Variants in CPPED1 observed in about 807,000 individuals in gnomAD.
The protein encoded by CPPED1 is calcineurin like phosphoesterase domain containing 1.
CPPED1 carries 28 observed loss-of-function variants against 28.0 expected under a neutral mutation model. The observed-to-expected ratio is 1.00, with a 90% CI of 0.74 to 1.37. The LOEUF is 1.37. Among genes scored for constraint, CPPED1 ranks in the 40% most tolerant of loss-of-function variants. The pLI, the probability that CPPED1 is intolerant of heterozygous loss-of-function variation, is 0.00. For missense variants in CPPED1, 504 were observed against 416.5 expected (o/e 1.21, Z -1.83); for synonymous variants, 198 against 180.2 (o/e 1.10, Z -0.79).
At chr16:12,721,804 A>C (rs2080142404) in intron 2 of CPPED1, among the ~76,000 whole-genome samples, 1 of 151,924 alleles carries the variant, frequency 6.6e-6, no homozygotes, top group Non-Finnish European at 1.5e-5. Flanking sequence ...CAACCAGACC[A>C]TCCCAGCCAG....
chr16:12,764,266 C>T (rs944429316), intron 2 of CPPED1, among the ~76,000 whole-genome samples: 11 of 151,486 alleles, frequency 7.3e-5, no homozygotes, highest in Admixed American at 3.3e-4. Flanking sequence ...TGCAGTGGTG[C>T]GATCTCAGCT....
chr16:12,752,861 ACTAT>A (rs1195153636), intron 2 of CPPED1: 1 of 147,984 alleles, frequency 6.8e-6, no homozygotes, highest in Non-Finnish European at 1.5e-5. Flanking sequence ...TACTAGCTGT[ACTAT>A]TTATTAATAT....
chr16:12,759,707 G>A (rs1011785071), intron 2 of CPPED1, among the ~76,000 whole-genome samples: 3 of 152,202 alleles, frequency 2.0e-5, no homozygotes, highest in Non-Finnish European at 4.4e-5. Context: ...GTTCTCACAA[G>A]ACCTGATGGT....
intron 3 of CPPED1, among the ~76,000 whole-genome samples, chr16:12,702,687 T>A (rs2080026716): frequency 6.6e-6 from 1 of 152,108 alleles, no homozygotes. Flanking sequence ...AGGGCAGTCA[T>A]GGGCTTTACA....
chr16:12,777,893 T>C (rs911202786), intron 2 of CPPED1, among the ~76,000 whole-genome samples: 5 of 141,524 alleles, frequency 3.5e-5, no homozygotes, highest in Non-Finnish European at 6.4e-5. Flanking sequence ...AAGTTCTTTT[T>C]TTCTATTTTC....
chr16:12,803,686 C>T (rs745429578), intron 1 of CPPED1, 21 bp downstream of exon 1: 1 of 1,518,988 alleles, frequency 6.6e-7, no homozygotes, highest in East Asian at 2.7e-5. Context: ...GTCCCCTCCC[C>T]GGGTGAGGGG....
At chr16:12,799,928 C>T (rs1160967229) in intron 1 of CPPED1, among the ~76,000 whole-genome samples, 3 of 152,172 alleles carry the variant, frequency 2.0e-5, no homozygotes, top group East Asian at 3.9e-4. Flanking sequence ...ACTCTCTCCT[C>T]CTATCAGCAG....
At chr16:12,789,619 G>A (rs1412015847) in intron 1 of CPPED1, among the ~76,000 whole-genome samples, 1 of 152,116 alleles carries the variant, frequency 6.6e-6, no homozygotes, top group Non-Finnish European at 1.5e-5. Flanking sequence ...TCCACTTCCC[G>A]GGCTCAAGTG....
intron 2 of CPPED1, among the ~76,000 whole-genome samples, chr16:12,762,381 ACTTTC>A (rs2080414834): frequency 2.0e-5 from 3 of 152,214 alleles, no homozygotes; most frequent in African/African-American, 7.2e-5. Context: ...TCTAATTTCC[ACTTTC>A]CTTAATGTTA....
chr16:12,700,259 G>C (rs1439000075), intron 3 of CPPED1, among the ~76,000 whole-genome samples: 1 of 152,228 alleles, frequency 6.6e-6, no homozygotes, highest in Non-Finnish European at 1.5e-5. Flanking sequence ...TATACCTGCA[G>C]GTGGTGCCTG....
At chr16:12,714,551 TTTG>T (rs1567284098) in intron 2 of CPPED1, among the ~76,000 whole-genome samples, 1 of 152,196 alleles carries the variant, frequency 6.6e-6, no homozygotes, top group Admixed American at 6.5e-5. Context: ...ATGCTAAACA[TTTG>T]TTGTTGTGCT....
chr16:12,786,800 T>A (rs888851127), intron 1 of CPPED1, among the ~76,000 whole-genome samples: 1 of 152,150 alleles, frequency 6.6e-6, no homozygotes, highest in Non-Finnish European at 1.5e-5. Flanking sequence ...GCGCCTGTAG[T>A]CCCAGCTACT....
chr16:12,732,728 A>G (rs2080205849), intron 2 of CPPED1, among the ~76,000 whole-genome samples: 1 of 152,214 alleles, frequency 6.6e-6, no homozygotes. Flanking sequence ...AAAGGCAAGG[A>G]GACAAAGCCT....
At chr16:12,676,525 G>C (rs566365422) in intron 3 of CPPED1, among the ~76,000 whole-genome samples, 2 of 152,180 alleles carry the variant, frequency 1.3e-5, no homozygotes, top group Non-Finnish European at 2.9e-5. Flanking sequence ...GACAGGTTAA[G>C]TGACTTGCCT....
In CPPED1 at chr16:12,670,450, C is replaced by G. The variant is rs887491821; in HGVS notation, c.716-5335G>C. 6.6e-6 allele frequency among the ~76,000 whole-genome samples: 1 copy of G among 152,036 alleles called. No homozygotes were observed. Among genetic ancestry groups the G allele is most frequent in the African/African-American group, 2.4e-5 (1 of 41,362 alleles). On this transcript the variant is annotated intron_variant, in intron 3 of 3. Transcript: ENST00000381774. The surrounding 1 kb of genome is among the most constrained non-coding windows in gnomAD (Gnocchi z 4.2). ...AGGAAGTAGTGCATCTTTCTTCATC[C>G]CTTAGGTGTGGGCTGTGCATCCTGA...
At chr16:12,689,310 T>C (rs544769116) in intron 3 of CPPED1, among the ~76,000 whole-genome samples, 16 of 143,866 alleles carry the variant, frequency 1.1e-4, no homozygotes, top group African/African-American at 3.9e-4. Flanking sequence ...CATTGCAACC[T>C]CGAATTTATG....
chr16:12,668,505 A>T (rs746274686), intron 3 of CPPED1, among the ~76,000 whole-genome samples: 5 of 152,202 alleles, frequency 3.3e-5, no homozygotes, highest in Non-Finnish European at 7.3e-5. Flanking sequence ...ACTTCATCAA[A>T]ATTACCAACT....
chr16:12,802,555 C>G (rs921703692), intron 1 of CPPED1, among the ~76,000 whole-genome samples: 1 of 152,168 alleles, frequency 6.6e-6, no homozygotes, highest in Non-Finnish European at 1.5e-5. Context: ...GAGCCAAGAT[C>G]GTGCCACTGC....
At chr16:12,665,167 C>A in intron 3 of CPPED1, 52 bp from the exon 4 acceptor site, 6 of 1,536,178 alleles carry the variant, frequency 3.9e-6, no homozygotes, top group African/African-American at 2.8e-5. Context: ...CATTAGGTAA[C>A]CTAGGGTCTC....
Sources: gnomAD v4.1 joint callset for allele counts (sites outside exome capture counted in the v4.1 genomes callset) on GRCh38, gnomAD v4.1.1 for gene constraint, Gnocchi (gnomAD v3.1) non-coding constraint, MANE v1.5 for transcripts, NCBI Gene and HGNC (gene_info 2026-07-23, HGNC 2026-07-21) for gene names.